The following KCNJ6 variants were observed in gnomAD, a reference collection of about 807,000 sequenced individuals.
KCNJ6 encodes the protein G protein-activated inward rectifier potassium channel 2.
In KCNJ6, 9 loss-of-function variants were observed where a neutral mutation model predicts 34.2. The observed-to-expected ratio is 0.26, with a 90% CI of 0.16 to 0.46. The LOEUF is 0.46. KCNJ6 is among the 20% of genes least tolerant of loss of function. The probability of loss-of-function intolerance (pLI) is 1.00; values close to 1 mark genes in which losing one functional copy is unlikely to be tolerated. For synonymous variants in KCNJ6, 196 were observed against 207.1 expected (o/e 0.95, Z 0.46); for missense variants, 236 against 531.3 (o/e 0.44, Z 5.46).
chr21:37,829,659 T>G (rs4817896), intron 2 of KCNJ6, among the ~76,000 whole-genome samples: 1 of 152,082 alleles, frequency 6.6e-6, no homozygotes, highest in Admixed American at 6.5e-5. Flanking sequence ...TGACTCATGT[T>G]GTGAACAGCT....
At chr21:37,823,098 C>G (rs1023521081) in intron 2 of KCNJ6, among the ~76,000 whole-genome samples, 2 of 152,092 alleles carry the variant, frequency 1.3e-5, no homozygotes, top group Non-Finnish European at 2.9e-5. Context: ...TAAACCCGAG[C>G]AGCACAGCAT....
intron 2 of KCNJ6, among the ~76,000 whole-genome samples, chr21:37,836,650 A>AAC (rs1410357321): frequency 6.6e-6 from 1 of 152,162 alleles, no homozygotes; most frequent in East Asian, 1.9e-4. Context: ...CGGGAAACCA[A>AAC]ACACTGCATG....
intron 1 of KCNJ6, among the ~76,000 whole-genome samples, chr21:37,859,096 A>C (rs1416191550): frequency 6.6e-6 from 1 of 152,188 alleles, no homozygotes; most frequent in Non-Finnish European, 1.5e-5. Flanking sequence ...CACAAAATAA[A>C]ATATGATAAA....
At chr21:37,702,253 AAG>A (rs1556021317) in intron 3 of KCNJ6, among the ~76,000 whole-genome samples, 1 of 151,344 alleles carries the variant, frequency 6.6e-6, no homozygotes, top group African/African-American at 2.4e-5. Flanking sequence ...AAAAAAAAAA[AAG>A]CTCTGACTGT....
intron 3 of KCNJ6, among the ~76,000 whole-genome samples, chr21:37,676,414 C>T (rs2054565066): frequency 6.6e-6 from 1 of 152,162 alleles, no homozygotes; most frequent in South Asian, 2.1e-4. Context: ...TGCCGCCAGC[C>T]AACACCAGGC....
chr21:37,791,630 A>G (rs1568849920), intron 2 of KCNJ6, among the ~76,000 whole-genome samples: 1 of 152,230 alleles, frequency 6.6e-6, no homozygotes, highest in East Asian at 1.9e-4. Flanking sequence ...TAGCTGTCTG[A>G]TATTTGAAGA....
chr21:37,853,140 C>CA (rs2055545691), intron 1 of KCNJ6, among the ~76,000 whole-genome samples: 1 of 130,766 alleles, frequency 7.6e-6, no homozygotes, highest in Non-Finnish European at 1.6e-5. Context: ...GCAATTTTTT[C>CA]AAATTAAAAA....
At chr21:37,711,797 AC>A (rs369492998) in intron 3 of KCNJ6, among the ~76,000 whole-genome samples, 4,613 of 142,608 alleles carry the variant, frequency 0.032, 204 homozygotes, top group African/African-American at 0.1. Context: ...ACTTTCTAGA[AC>A]CCCCCCCCCA....
intron 2 of KCNJ6, among the ~76,000 whole-genome samples, chr21:37,725,085 T>G (rs1188552447): frequency 6.6e-6 from 1 of 152,082 alleles, no homozygotes; most frequent in East Asian, 1.9e-4. Context: ...CACATATATA[T>G]TCCCAGTTTA....
intron 3 of KCNJ6, among the ~76,000 whole-genome samples, chr21:37,640,976 G>A (rs1004820439): frequency 1.3e-5 from 2 of 152,196 alleles, no homozygotes; most frequent in Non-Finnish European, 2.9e-5. Context: ...CTCTTCCAGG[G>A]TTAAGTGCGT....
intron 2 of KCNJ6, among the ~76,000 whole-genome samples, chr21:37,797,144 C>T (rs919460014): frequency 2.0e-5 from 3 of 151,942 alleles, no homozygotes; most frequent in Admixed American, 6.6e-5. Context: ...TCAATGCCAC[C>T]TCTCTGCCCC....
chr21:37,884,131 C>T (rs1300083529), intron 1 of KCNJ6, among the ~76,000 whole-genome samples: 5 of 152,114 alleles, frequency 3.3e-5, no homozygotes, highest in Admixed American at 6.6e-5. Context: ...TCTTTCTACT[C>T]GGGGAACTGC....
rs190854321 is a variant in KCNJ6, at chr21:37,630,673, T to G, written c.947-5189A>C. ...GTTTTATGTATTTGACAAGTAAAAA[T>G]TATACATATTGATGGTGTACATGAT... On this transcript the variant is annotated intron_variant, in intron 3 of 3. Coordinates refer to ENST00000609713, the MANE Select transcript of KCNJ6 (RefSeq NM_002240.5). Among the ~76,000 whole-genome samples the G allele has an allele frequency of 3.3e-5, 5 of 152,292 alleles. No individual in the cohort carries two copies. In the East Asian group the frequency reaches 9.6e-4, roughly 29 times the overall value.
At chr21:37,737,354 T>G (rs1246286325) in intron 2 of KCNJ6, among the ~76,000 whole-genome samples, 6 of 152,252 alleles carry the variant, frequency 3.9e-5, no homozygotes, top group African/African-American at 1.4e-4. Flanking sequence ...TGGAAATATT[T>G]GCATTTTCCT....
chr21:37,726,335 TTGTC>T (rs1206040747), intron 2 of KCNJ6, among the ~76,000 whole-genome samples: 3 of 152,248 alleles, frequency 2.0e-5, no homozygotes, highest in African/African-American at 7.2e-5. Context: ...TCATTTTTAA[TTGTC>T]TGTTGGCTCT....
At chr21:37,909,202 T>C (rs1379680538) in intron 1 of KCNJ6, among the ~76,000 whole-genome samples, 1 of 152,204 alleles carries the variant, frequency 6.6e-6, no homozygotes, top group Non-Finnish European at 1.5e-5. Flanking sequence ...AATCTTCTAT[T>C]TTGTTAAATT....
At chr21:37,748,036 G>T (rs532741195) in intron 2 of KCNJ6, among the ~76,000 whole-genome samples, 7 of 152,274 alleles carry the variant, frequency 4.6e-5, no homozygotes, top group African/African-American at 1.7e-4. Context: ...GTACCCACAG[G>T]CTTGTGACTT....
intron 3 of KCNJ6, among the ~76,000 whole-genome samples, chr21:37,693,594 A>G (rs927977761): frequency 6.6e-6 from 1 of 152,012 alleles, no homozygotes; most frequent in African/African-American, 2.4e-5. Context: ...GGGCAGGAAG[A>G]GAGGTGGGAG....
intron 1 of KCNJ6, among the ~76,000 whole-genome samples, chr21:37,882,875 T>C (rs373655714): frequency 6.6e-6 from 1 of 152,236 alleles, no homozygotes. Flanking sequence ...TATTATTCCA[T>C]AGTCATAGGG....
Sources: gnomAD v4.1 joint callset for allele counts (sites outside exome capture counted in the v4.1 genomes callset) on GRCh38, gnomAD v4.1.1 for gene constraint, MANE v1.5 for transcripts, NCBI Gene and HGNC (gene_info 2026-07-23, HGNC 2026-07-21) for gene names.